TTC8: variants seen among roughly 807,000 people sequenced by gnomAD.
The protein encoded by TTC8 is tetratricopeptide repeat domain 8.
TTC8 carries 47 observed loss-of-function variants against 72.5 expected under a neutral mutation model. The ratio of observed to expected loss-of-function variants is 0.65; its 90% confidence interval spans 0.51 to 0.83. TTC8 has a LOEUF of 0.83. Ranked by LOEUF, TTC8 falls within the 40% of genes least tolerant of loss-of-function variation. TTC8 has a pLI of 0.00. For missense variants in TTC8, 611 were observed against 623.2 expected (o/e 0.98, Z 0.21); for synonymous variants, 199 against 221.4 (o/e 0.90, Z 0.90).
chr14:88,824,959 A>G, intron 1 of TTC8, 138 bp downstream of exon 1: 1 of 783,866 alleles, frequency 1.3e-6, no homozygotes. Flanking sequence ...AGGCGCCCGG[A>G]GCGAGACCTT....
At position 88,877,442 on chromosome 14, in the gene TTC8, G is replaced by A; in HGVS notation, c.*32G>A. ...CTTAGACCACATATGTTCTTATGAA[G>A]CAGCATTATGCAAGGGGAAAAAAGC... On this transcript the variant is annotated 3_prime_UTR_variant, in exon 15 of 15. Transcript: ENST00000380656. The A allele has an allele frequency of 3.2e-6, 5 of 1,549,160 alleles. No individual in the cohort carries two copies. Among genetic ancestry groups the A allele is most frequent in the Non-Finnish European group, 4.5e-6 (5 of 1,121,132 alleles).
intron 2 of TTC8, chr14:88,837,043 A>G: frequency 3.6e-6 from 1 of 277,634 alleles, no homozygotes; most frequent in Non-Finnish European, 7.2e-6. Context: ...CTTGGGCAAC[A>G]AGAGCAAAAC....
At chr14:88,848,843 G>A (rs563608821) in intron 7 of TTC8, among the ~76,000 whole-genome samples, 1 of 152,174 alleles carries the variant, frequency 6.6e-6, no homozygotes, top group South Asian at 2.1e-4. Flanking sequence ...TGCCTATGTT[G>A]TACCTCATGG....
At chr14:88,841,343 T>G (rs2094780398) in intron 5 of TTC8, 82 bp from the exon 6 acceptor site, 9 of 1,593,998 alleles carry the variant, frequency 5.6e-6, no homozygotes, top group Non-Finnish European at 7.7e-6. Context: ...TTATGTTGCC[T>G]TTATATTTTT....
Position 88,853,127 on chromosome 14 carries a change from GA to G in TTC8, c.710+72del, listed in dbSNP as rs556261717. On this transcript the variant is annotated intron_variant, in intron 8 of 14. Coordinates refer to ENST00000380656, the MANE Select transcript of TTC8 (RefSeq NM_144596.4). Reference sequence around the variant, plus strand: ...TAGGGTCTCAAATCTGATACTTTTTGAGGGGGGGGAGATTTTCCCATGAAGA... The same window carrying G: ...TAGGGTCTCAAATCTGATACTTTTTGGGGGGGGGAGATTTTCCCATGAAGA... The G allele has an allele frequency of 1.7e-3, 1,872 of 1,100,942 alleles. 4 individuals carry two copies. The highest frequency in any genetic ancestry group is 2.2e-3 in the Non-Finnish European group (1,619 of 722,380). 68.2% of individuals were successfully genotyped at this position (1,100,942 alleles called of 1,614,324 possible).
At chr14:88,849,688 T>TG (rs1454925482) in intron 7 of TTC8, among the ~76,000 whole-genome samples, 1 of 152,186 alleles carries the variant, frequency 6.6e-6, no homozygotes, top group Non-Finnish European at 1.5e-5. Context: ...CGTGGGCTGG[T>TG]GATTCTGTGT....
chr14:88,857,298 G>A (rs753765143), intron 9 of TTC8, 21 bp downstream of exon 9: 2 of 1,590,048 alleles, frequency 1.3e-6, no homozygotes, highest in East Asian at 2.2e-5. Context: ...CTTAATTTGA[G>A]TGAAATCTGC....
intron 2 of TTC8, among the ~76,000 whole-genome samples, chr14:88,839,229 C>T (rs1209552367): frequency 6.6e-6 from 1 of 151,984 alleles, no homozygotes; most frequent in Non-Finnish European, 1.5e-5. Context: ...AATTACCCCA[C>T]TTCTATTTAC....
intron 1 of TTC8, among the ~76,000 whole-genome samples, chr14:88,832,042 C>A (rs1444416258): frequency 6.6e-6 from 1 of 152,156 alleles, no homozygotes; most frequent in Admixed American, 6.5e-5. Context: ...TCTCCATTTT[C>A]CTTCAATGCA....
At chr14:88,843,601 G>A (rs371899879) in intron 6 of TTC8, among the ~76,000 whole-genome samples, 2 of 151,510 alleles carry the variant, frequency 1.3e-5, no homozygotes, top group South Asian at 4.2e-4. Flanking sequence ...TACATAATAC[G>A]AAAAAAAGTT....
chr14:88,838,813 A>G (rs1032320782), intron 2 of TTC8, among the ~76,000 whole-genome samples: 2 of 152,216 alleles, frequency 1.3e-5, no homozygotes, highest in Admixed American at 1.3e-4. Context: ...ACTAGATCAC[A>G]AAGCAACCAG....
At chr14:88,863,613 C>T (rs1277690712) in intron 10 of TTC8, among the ~76,000 whole-genome samples, 8 of 152,232 alleles carry the variant, frequency 5.3e-5, no homozygotes, top group Non-Finnish European at 1.5e-5. Context: ...GCAAGCTACG[C>T]TTATCATCTG....
chr14:88,849,266 G>A (rs1020784038), intron 7 of TTC8, among the ~76,000 whole-genome samples: 1 of 152,096 alleles, frequency 6.6e-6, no homozygotes, highest in Non-Finnish European at 1.5e-5. Flanking sequence ...TGATGTTGTG[G>A]ATCAGATTGT....
In TTC8 at chr14:88,877,630, C is replaced by A; in HGVS notation, c.*220C>A. The A allele has an allele frequency of 2.4e-6, 1 of 412,770 alleles. No individual in the cohort carries two copies. The highest frequency in any genetic ancestry group is 4.3e-5 in the East Asian group (1 of 23,142). 25.6% of individuals were successfully genotyped at this position (412,770 alleles called of 1,614,324 possible). On this transcript the variant is annotated 3_prime_UTR_variant, in exon 15 of 15. Transcript: ENST00000380656. Reference sequence around the variant, plus strand: ...AATATTATAAAATACAGGATTTAAACCTTTCTAAATAGATCCTGAAACTGT... The same window carrying A: ...AATATTATAAAATACAGGATTTAAAACTTTCTAAATAGATCCTGAAACTGT...
chr14:88,861,081 G>C (rs1172685746), intron 9 of TTC8, 141 bp from the exon 10 acceptor site: 8 of 647,562 alleles, frequency 1.2e-5, no homozygotes, highest in Non-Finnish European at 2.1e-5. Flanking sequence ...TGGGAATACA[G>C]GTGTGAGCCA....
intron 1 of TTC8, among the ~76,000 whole-genome samples, chr14:88,829,459 T>C (rs2094716460): frequency 6.6e-6 from 1 of 152,256 alleles, no homozygotes; most frequent in African/African-American, 2.4e-5. Flanking sequence ...GTCAGATTCA[T>C]GGCTTTAAAA....
At chr14:88,859,226 T>C (rs1429662624) in intron 9 of TTC8, among the ~76,000 whole-genome samples, 1 of 152,142 alleles carries the variant, frequency 6.6e-6, no homozygotes, top group East Asian at 1.9e-4. Context: ...CATATGTTCA[T>C]TGCAGCACTA....
At chr14:88,846,157 A>AT (rs2094805414) in intron 7 of TTC8, among the ~76,000 whole-genome samples, 1 of 151,934 alleles carries the variant, frequency 6.6e-6, no homozygotes, top group Admixed American at 6.6e-5. Flanking sequence ...AAATACAAAA[A>AT]TTAGCCAGGC....
chr14:88,857,419 G>T, intron 9 of TTC8, 142 bp downstream of exon 9: 1 of 760,130 alleles, frequency 1.3e-6, no homozygotes, highest in Non-Finnish European at 2.3e-6. Context: ...TTTCTTTACA[G>T]CAAGGGAAAA....
Sources: allele counts gnomAD v4.1 joint callset (sites outside exome capture counted in the v4.1 genomes callset), GRCh38; gene constraint gnomAD v4.1.1; transcripts MANE v1.5; gene names NCBI Gene and HGNC (gene_info 2026-07-23, HGNC 2026-07-21).